The following CHD9 variants were observed in gnomAD, a reference collection of about 807,000 sequenced individuals.
The protein encoded by CHD9 is ATP-dependent chromatin remodeler CHD9.
A neutral mutation model predicts 316.1 loss-of-function variants in CHD9; 77 were observed. That is an observed-to-expected ratio of 0.24 (90% CI 0.20 to 0.29). CHD9 has a LOEUF of 0.29. CHD9 is among the 10% of genes least tolerant of loss of function. The pLI, the probability that CHD9 is intolerant of heterozygous loss-of-function variation, is 1.00. For synonymous variants in CHD9, 1,129 were observed against 1,158.3 expected (o/e 0.97, Z 0.51); for missense variants, 2,763 against 3,438.1 (o/e 0.80, Z 4.91).
chr16:53,316,028 G>A (rs539551973), intron 36 of CHD9, among the ~76,000 whole-genome samples: 1 of 152,226 alleles, frequency 6.6e-6, no homozygotes, highest in African/African-American at 2.4e-5. Context: ...AATCACTTGA[G>A]TTCAGGAGTC....
chr16:53,308,013 C>T (rs2056140055), intron 33 of CHD9, 60 bp downstream of exon 33: 14 of 1,420,390 alleles, frequency 9.9e-6, no homozygotes, highest in Non-Finnish European at 1.3e-5. Flanking sequence ...GCATGCTTTT[C>T]CTGCAAATGG....
At chr16:53,070,716 G>A (rs190609424) in intron 1 of CHD9, among the ~76,000 whole-genome samples, 1 of 152,128 alleles carries the variant, frequency 6.6e-6, no homozygotes, top group East Asian at 1.9e-4. Flanking sequence ...ACCATGCCCA[G>A]CTAATTTTTG....
At chr16:53,263,423 AC>A (rs2152993209) in intron 20 of CHD9, among the ~76,000 whole-genome samples, 1 of 152,260 alleles carries the variant, frequency 6.6e-6, no homozygotes, top group East Asian at 1.9e-4. Flanking sequence ...TAGTGTCAGA[AC>A]CCATTAATGA....
intron 36 of CHD9, 34 bp from the exon 37 acceptor site, chr16:53,318,178 A>G (rs1200155775): frequency 6.4e-7 from 1 of 1,567,590 alleles, no homozygotes; most frequent in Non-Finnish European, 8.7e-7. Flanking sequence ...ACAGTTAAAG[A>G]CTTTAAAGAT....
intron 1 of CHD9, among the ~76,000 whole-genome samples, chr16:53,105,574 C>A (rs1172048744): frequency 6.6e-6 from 1 of 152,124 alleles, no homozygotes; most frequent in African/African-American, 2.4e-5. Context: ...CTAATATTAA[C>A]AATACGCCAG....
At position 53,156,561 on chromosome 16, in the gene CHD9, G is replaced by T. The variant is rs750602495; in HGVS notation, c.472G>T (p.Ala158Ser). ...TATGCATCAAAATAAAAGCTTTGTG[G>T]CACACCATGACTTTGCCTTATTTCA... is the stretch of plus-strand genomic sequence containing the variant. ...HSMHQNKSFV[A>S]HHDFALFQAN... Residue 158 changes from alanine (A) to serine (S), a missense_variant, in exon 2 of 39, where the codon GCA (alanine) becomes TCA (serine). By Grantham distance (99) the Ala-to-Ser change is moderately conservative (BLOSUM62 1). Coordinates refer to ENST00000447540, the MANE Select transcript of CHD9 (RefSeq NM_001308319.2). 6.2e-7 allele frequency: 1 copy of T among 1,613,742 alleles called. No individual in the cohort carries two copies.
chr16:53,062,006 C>T (rs1418765281), intron 1 of CHD9, among the ~76,000 whole-genome samples: 1 of 152,194 alleles, frequency 6.6e-6, no homozygotes, highest in Non-Finnish European at 1.5e-5. Context: ...TGAGCTGTCT[C>T]TTTGATCCTG....
chr16:53,257,069 A>C (rs1323170553), intron 19 of CHD9, among the ~76,000 whole-genome samples: 3 of 152,250 alleles, frequency 2.0e-5, no homozygotes, highest in African/African-American at 7.2e-5. Context: ...GAATAAAGAA[A>C]GCCTTTGCAA....
intron 2 of CHD9, among the ~76,000 whole-genome samples, chr16:53,172,510 A>G (rs1382149906): frequency 6.6e-6 from 1 of 152,156 alleles, no homozygotes; most frequent in African/African-American, 2.4e-5. Context: ...GAAGACATAC[A>G]TTTTTATTTC....
intron 24 of CHD9, among the ~76,000 whole-genome samples, chr16:53,277,117 A>G (rs976079066): frequency 6.6e-6 from 1 of 152,188 alleles, no homozygotes; most frequent in African/African-American, 2.4e-5. Context: ...TAATAAAAAA[A>G]TTACCAACAA....
At chr16:53,295,334 C>G (rs2054680540) in intron 29 of CHD9, among the ~76,000 whole-genome samples, 1 of 152,308 alleles carries the variant, frequency 6.6e-6, no homozygotes, top group South Asian at 2.1e-4. Flanking sequence ...ACCATGTTGG[C>G]CAGGCTTGTC....
chr16:53,302,986 T>C (rs2055583739), intron 30 of CHD9, among the ~76,000 whole-genome samples: 1 of 152,170 alleles, frequency 6.6e-6, no homozygotes, highest in Admixed American at 6.5e-5. Context: ...GTGGCTGTGT[T>C]TCCCTAGAAA....
At chr16:53,240,466 A>T (rs187483587) in intron 12 of CHD9, among the ~76,000 whole-genome samples, 102 of 152,254 alleles carry the variant, frequency 6.7e-4, no homozygotes, top group African/African-American at 2.5e-3. Context: ...TTTATGATAA[A>T]TGTTACAAAT....
At chr16:53,141,923 A>G (rs114261654) in intron 1 of CHD9, among the ~76,000 whole-genome samples, 1 of 152,128 alleles carries the variant, frequency 6.6e-6, no homozygotes, top group Non-Finnish European at 1.5e-5. Flanking sequence ...GGTGTGAGAA[A>G]GTTTGTTGAA....
chr16:53,135,709 G>A (rs1167331463), intron 1 of CHD9, among the ~76,000 whole-genome samples: 2 of 152,142 alleles, frequency 1.3e-5, no homozygotes, highest in Admixed American at 6.5e-5. Context: ...AATGATAAGC[G>A]CCTTAGAATA....
chr16:53,319,744 T>C, intron 37 of CHD9: 1 of 844,386 alleles, frequency 1.2e-6, no homozygotes, highest in African/African-American at 1.8e-5. Context: ...TTATTGTAAC[T>C]TCATGAGAGG....
intron 1 of CHD9, among the ~76,000 whole-genome samples, chr16:53,139,813 A>G (rs1267940488): frequency 3.3e-5 from 5 of 152,134 alleles, no homozygotes; most frequent in African/African-American, 1.2e-4. Context: ...AAAATAATGC[A>G]TTTAGCTGAT....
intron 1 of CHD9, among the ~76,000 whole-genome samples, chr16:53,070,647 C>T (rs189212208): frequency 1.1e-4 from 16 of 152,016 alleles, no homozygotes; most frequent in East Asian, 7.8e-4. Context: ...CTCTGCCTCC[C>T]GGGTTCATGT....
chr16:53,084,996 T>C (rs914764653), intron 1 of CHD9, among the ~76,000 whole-genome samples: 2 of 152,206 alleles, frequency 1.3e-5, no homozygotes, highest in Non-Finnish European at 2.9e-5. Context: ...TTTGTTTGGC[T>C]CATAACATCG....
Sources: allele counts gnomAD v4.1 joint callset (sites outside exome capture counted in the v4.1 genomes callset), GRCh38; gene constraint gnomAD v4.1.1; transcripts MANE v1.5; gene names NCBI Gene and HGNC (gene_info 2026-07-23, HGNC 2026-07-21).